Variants in DGAT1 observed in about 807,000 individuals in gnomAD.
The protein encoded by DGAT1 is diacylglycerol O-acyltransferase 1.
Under a neutral mutation model 72.6 loss-of-function variants are expected in DGAT1, and 60 were observed. That is an observed-to-expected ratio of 0.83 (90% confidence interval 0.67 to 1.02). The LOEUF is 1.02. Among genes scored for constraint, DGAT1 ranks in the 50% least tolerant of loss-of-function variants. The probability of loss-of-function intolerance (pLI) is 0.00; values close to 1 mark genes in which losing one functional copy is unlikely to be tolerated. For missense variants in DGAT1, 592 were observed against 670.0 expected (o/e 0.88, Z 1.29); for synonymous variants, 290 against 267.5 (o/e 1.08, Z -0.82).
chr8:144,318,808 C>G (rs782505040), intron 4 of DGAT1, 27 bp downstream of exon 4: 4 of 1,608,270 alleles, frequency 2.5e-6, no homozygotes, highest in Non-Finnish European at 3.4e-6. Context: ...GATCCCCACC[C>G]GAGGCCCTCC....
In DGAT1 at chr8:144,314,722, A is replaced by G. The variant is rs1554846515; in HGVS notation, c.*1832T>C. 4 of 228,788 alleles carry G rather than the reference A, an allele frequency of 1.7e-5. No individual in the cohort carries two copies. The highest frequency in any genetic ancestry group is 2.6e-5 in the Non-Finnish European group (3 of 117,112). 14.2% of individuals were successfully genotyped at this position (228,788 alleles called of 1,614,324 possible). On this transcript the variant is annotated 3_prime_UTR_variant, in exon 17 of 17. Coordinates refer to ENST00000528718, the MANE Select transcript of DGAT1 (RefSeq NM_012079.6). ...TCTATAAACAGACAGGCTCTATGCT[A>G]TGGCCTCCATGTGTTTCCTCTGTCC...
In DGAT1 at chr8:144,316,220, C is replaced by A; in HGVS notation, c.*334G>T. On this transcript the variant is annotated 3_prime_UTR_variant, in exon 17 of 17. Coordinates refer to ENST00000528718, the MANE Select transcript of DGAT1 (RefSeq NM_012079.6). ...GGTCCTGGGACAGCTGTCCACACAGCTCTGGCACTCGCCCTTGTGGGTGTG... is the reference window on the plus strand; with the variant it reads ...GGTCCTGGGACAGCTGTCCACACAGATCTGGCACTCGCCCTTGTGGGTGTG... 1 of 298,678 alleles carries A rather than the reference C, an allele frequency of 3.3e-6. No individual in the cohort carries two copies. Among genetic ancestry groups the A allele is most frequent in the Non-Finnish European group, 6.4e-6 (1 of 157,434 alleles). 18.5% of individuals were successfully genotyped at this position (298,678 alleles called of 1,614,324 possible).
intron 2 of DGAT1, among the ~76,000 whole-genome samples, chr8:144,320,568 G>C (rs1347825443): frequency 6.6e-6 from 1 of 152,162 alleles, no homozygotes; most frequent in Non-Finnish European, 1.5e-5. Flanking sequence ...CATCAGCCCT[G>C]AGTTGGGGAG....
chr8:144,315,939 G>A lies in DGAT1; in HGVS notation c.*615C>T. Reference sequence around the variant, plus strand: ...TGCCCATCCCTGGGCCATCCTGGCTGGAGCCCACTTCCCGCAAACCCAGGG... The same window carrying A: ...TGCCCATCCCTGGGCCATCCTGGCTAGAGCCCACTTCCCGCAAACCCAGGG... On this transcript the variant is annotated 3_prime_UTR_variant, in exon 17 of 17. Coordinates refer to ENST00000528718, the MANE Select transcript of DGAT1 (RefSeq NM_012079.6). The A allele has an allele frequency of 1.0e-6, 1 of 986,584 alleles. No individual in the cohort carries two copies. The highest frequency in any genetic ancestry group is 1.2e-6 in the Non-Finnish European group (1 of 830,826). 61.1% of individuals were successfully genotyped at this position (986,584 alleles called of 1,614,324 possible). A position where few individuals can be genotyped will look rare whatever the true frequency, so the allele number is the denominator to read the frequency against.
intron 1 of DGAT1, among the ~76,000 whole-genome samples, chr8:144,323,595 T>G (rs1443744143): frequency 6.6e-6 from 1 of 152,146 alleles, no homozygotes; most frequent in East Asian, 1.9e-4. Flanking sequence ...TCTCACTGAC[T>G]GGAGGATCTG....
At chr8:144,320,342 G>T (rs1268643447) in intron 2 of DGAT1, among the ~76,000 whole-genome samples, 1 of 152,166 alleles carries the variant, frequency 6.6e-6, no homozygotes, top group Non-Finnish European at 1.5e-5. Context: ...CTGAGTGCTG[G>T]GCTGGCGCTG....
At chr8:144,326,356 A>T in intron 1 of DGAT1, 81 bp downstream of exon 1, 1 of 1,262,842 alleles carries the variant, frequency 7.9e-7, no homozygotes, top group East Asian at 3.2e-5. Flanking sequence ...ATGTTCTCGG[A>T]CTCGGAGCTC....
chr8:144,318,354 G>A lies in DGAT1; in HGVS notation c.583C>T (p.Leu195=). The change falls in exon 7 of 17, where the codon CTG becomes TTG. Residue 195 remains leucine (L), a synonymous_variant. Coordinates refer to ENST00000528718, the MANE Select transcript of DGAT1 (RefSeq NM_012079.6). The stretch of plus-strand genomic sequence containing the variant: ...ATGGTGTGCGCCATCAGCGCCAGCA[G>A]GGAGCCCACTGCAGGAGAGGTGGAC... The part of the protein sequence containing the change: ...LVESITPVGS[L]LALMAHTILF... The A allele has an allele frequency of 1.9e-6, 3 of 1,611,504 alleles. No individual in the cohort carries two copies. Among genetic ancestry groups the A allele is most frequent in the African/African-American group, 1.3e-5 (1 of 75,058 alleles).
At position 144,321,057 on chromosome 8, in the gene DGAT1, G is replaced by A. The variant is rs3890400; in HGVS notation, c.288+264C>T. Among the ~76,000 whole-genome samples, 49,835 of 152,080 alleles carry A rather than the reference G, an allele frequency of 0.33. 8,633 individuals carry two copies. Among genetic ancestry groups the A allele is most frequent in the East Asian group, 0.52 (2,704 of 5,156 alleles). On this transcript the variant is annotated intron_variant, in intron 2 of 16. Coordinates refer to ENST00000528718, the MANE Select transcript of DGAT1 (RefSeq NM_012079.6). ...CCCACGCCCACACCACATCTGCAGG[G>A]CTCTCCTGGGATCCAATGGGAAGCA... is the stretch of plus-strand genomic sequence containing the variant.
At position 144,315,018 on chromosome 8, in the gene DGAT1, C is replaced by T. The variant is rs1554846633; in HGVS notation, c.*1536G>A. On this transcript the variant is annotated 3_prime_UTR_variant, in exon 17 of 17. Transcript: ENST00000528718. ...GGACAGGTGATGCGGGGCGGGCACACTGTCTTTCTGCCAGAGCCAGCACCC... is the reference window on the plus strand; with the variant it reads ...GGACAGGTGATGCGGGGCGGGCACATTGTCTTTCTGCCAGAGCCAGCACCC... The T allele has an allele frequency of 1.0e-6, 1 of 985,312 alleles. No homozygotes were observed. Among genetic ancestry groups the T allele is most frequent in the African/African-American group, 1.7e-5 (1 of 57,196 alleles). 61.0% of individuals were successfully genotyped at this position (985,312 alleles called of 1,614,324 possible).
intron 1 of DGAT1, among the ~76,000 whole-genome samples, chr8:144,322,102 A>T (rs1406234386): frequency 6.6e-6 from 1 of 152,186 alleles, no homozygotes. Context: ...CAACAGAGGC[A>T]GGCACCCACC....
At chr8:144,323,882 C>T (rs1368739197) in intron 1 of DGAT1, among the ~76,000 whole-genome samples, 2 of 152,262 alleles carry the variant, frequency 1.3e-5, no homozygotes, top group African/African-American at 4.8e-5. Context: ...CAGAGTCCAG[C>T]TCTGCTCACT....
At chr8:144,318,629 T>C in intron 5 of DGAT1, 63 bp from the exon 6 acceptor site, 2 of 1,604,134 alleles carry the variant, frequency 1.2e-6, no homozygotes, top group Middle Eastern at 1.7e-4. Flanking sequence ...CTGCCAGGCC[T>C]GGGGAGCAGC....
chr8:144,320,670 C>G (rs1334545848), intron 2 of DGAT1, among the ~76,000 whole-genome samples: 6 of 152,034 alleles, frequency 3.9e-5, no homozygotes, highest in Admixed American at 6.5e-5. Flanking sequence ...GGCTGGCAGC[C>G]CCACCCCACG....
intron 2 of DGAT1, 143 bp from the exon 3 acceptor site, chr8:144,319,211 C>T (rs1817372132): frequency 1.1e-6 from 1 of 920,058 alleles, no homozygotes; most frequent in African/African-American, 1.6e-5. Context: ...CCTGTCTGGT[C>T]TCCATGCCAA....
At chr8:144,325,831 C>T (rs1554848715) in intron 1 of DGAT1, among the ~76,000 whole-genome samples, 1 of 152,208 alleles carries the variant, frequency 6.6e-6, no homozygotes, top group African/African-American at 2.4e-5. Flanking sequence ...GCAACATCGG[C>T]AGGGCTCCAG....
chr8:144,316,498 T>C lies in DGAT1; in HGVS notation c.*56A>G, dbSNP rs1554846993. The C allele has an allele frequency of 1.3e-6, 2 of 1,520,476 alleles. No individual in the cohort carries two copies. The highest frequency in any genetic ancestry group is 1.8e-6 in the Non-Finnish European group (2 of 1,130,970). 94.2% of individuals were successfully genotyped at this position (1,520,476 alleles called of 1,614,324 possible). A position where few individuals can be genotyped will look rare whatever the true frequency, so the allele number is the denominator to read the frequency against. ...AGCACTCGAGGCCTAGGAGGAGAGG[T>C]GGGCTCTGGCAGCGGGTGTGAGGTG... On this transcript the variant is annotated 3_prime_UTR_variant, in exon 17 of 17. Coordinates refer to ENST00000528718, the MANE Select transcript of DGAT1 (RefSeq NM_012079.6).
Position 144,315,568 on chromosome 8 carries a change from G to C in DGAT1, c.*986C>G, listed in dbSNP as rs943518028. On this transcript the variant is annotated 3_prime_UTR_variant, in exon 17 of 17. Transcript: ENST00000528718. ...AAGGTAAGGCAGCAGCAGGGCCCTG[G>C]GGTTACCCCTGACCTCCCGCTACCA... 1 of 985,656 alleles carries C rather than the reference G, an allele frequency of 1.0e-6. No individual in the cohort carries two copies. Among genetic ancestry groups the C allele is most frequent in the African/African-American group, 1.7e-5 (1 of 57,370 alleles). 61.1% of individuals were successfully genotyped at this position (985,656 alleles called of 1,614,324 possible).
chr8:144,318,871 C>A lies in DGAT1; in HGVS notation c.379G>T (p.Asp127Tyr). 2 of 1,611,906 alleles carry A rather than the reference C, an allele frequency of 1.2e-6. No individual in the cohort carries two copies. Among genetic ancestry groups the A allele is most frequent in the South Asian group, 1.1e-5 (1 of 90,888 alleles). Residue 127 changes from aspartate (D) to tyrosine (Y), a missense_variant, in exon 4 of 17, where the codon GAT (aspartate) becomes TAT (tyrosine). Transcript: ENST00000528718. ...PIQVVSLFLK[D>Y]PYSWPAPCLV... ...CATGGGGCGGGCCAGCTATAGGGAT[C>A]CTTCAGGAACAGAGAAACCACCTGG...
Sources: gnomAD v4.1 joint callset for allele counts (sites outside exome capture counted in the v4.1 genomes callset) on GRCh38, gnomAD v4.1.1 for gene constraint, MANE v1.5 for transcripts, NCBI Gene and HGNC (gene_info 2026-07-23, HGNC 2026-07-21) for gene names.